The following CCBE1 variants were observed in gnomAD, a reference collection of about 807,000 sequenced individuals.
The protein encoded by CCBE1 is collagen and calcium-binding EGF domain-containing protein 1.
Under a neutral mutation model 50.0 loss-of-function variants are expected in CCBE1, and 37 were observed. That is an observed-to-expected ratio of 0.74 (90% confidence interval 0.57 to 0.97). The LOEUF is 0.97. Among genes scored for constraint, CCBE1 ranks in the 50% least tolerant of loss-of-function variants. The pLI is 0.00. For missense variants in CCBE1, 538 were observed against 523.8 expected, an observed-to-expected ratio of 1.03 and a Z score of -0.26; for synonymous variants, 234 against 203.7, an observed-to-expected ratio of 1.15 and a Z score of -1.27.
intron 2 of CCBE1, among the ~76,000 whole-genome samples, chr18:59,505,289 T>G (rs2143850063): frequency 6.6e-6 from 1 of 152,216 alleles, no homozygotes; most frequent in East Asian, 1.9e-4. Context: ...AAACTTAACA[T>G]GAAACCAAGA....
At chr18:59,592,809 G>A (rs1431788846) in intron 2 of CCBE1, among the ~76,000 whole-genome samples, 3 of 152,028 alleles carry the variant, frequency 2.0e-5, no homozygotes, top group South Asian at 2.1e-4. Flanking sequence ...AATATCACCT[G>A]CATAAGGACG....
intron 2 of CCBE1, chr18:59,568,231 C>G (rs1010177948): frequency 7.9e-5 from 12 of 151,584 alleles, no homozygotes; most frequent in Non-Finnish European, 1.5e-4. Context: ...TGTCTTCTCA[C>G]AAACTACTCA....
chr18:59,589,118 G>A (rs2053221566), intron 2 of CCBE1, among the ~76,000 whole-genome samples: 1 of 152,174 alleles, frequency 6.6e-6, no homozygotes, highest in African/African-American at 2.4e-5. Context: ...CAACCCTTGG[G>A]GATCCCTGTG....
chr18:59,555,596 A>G (rs993966767), intron 2 of CCBE1, among the ~76,000 whole-genome samples: 16 of 152,268 alleles, frequency 1.1e-4, no homozygotes, highest in African/African-American at 3.9e-4. Context: ...AGTGCTGCTC[A>G]GAACGTGCAG....
chr18:59,453,903 CG>C (rs1568147170), intron 6 of CCBE1, among the ~76,000 whole-genome samples: 1 of 152,102 alleles, frequency 6.6e-6, no homozygotes, highest in Non-Finnish European at 1.5e-5. Context: ...AGACCCATCC[CG>C]GGGCATTACT....
chr18:59,466,852 G>A lies in CCBE1; in HGVS notation c.440C>T (p.Ala147Val). 3 of 1,613,496 alleles carry A rather than the reference G, an allele frequency of 1.9e-6. No individual in the cohort carries two copies. The highest frequency in any genetic ancestry group is 2.5e-6 in the Non-Finnish European group (3 of 1,179,790). Residue 147 changes from alanine to valine, a missense_variant, in exon 5 of 11, where the codon GCC (alanine) becomes GTC (valine). By Grantham distance (64) the Ala-to-Val change is moderately conservative (BLOSUM62 0). Coordinates refer to ENST00000439986, the MANE Select transcript of CCBE1 (RefSeq NM_133459.4). ...ECASSNGTLC[A>V]HICINTLGSY... The stretch of plus-strand genomic sequence containing the variant: ...GCCCAAGGTATTGATGCAGATGTGG[G>A]CACACAGCGTCCCATTGCTGCTGGC...
chr18:59,669,942 G>C (rs1190355596), intron 2 of CCBE1, among the ~76,000 whole-genome samples: 1 of 152,210 alleles, frequency 6.6e-6, no homozygotes, highest in Non-Finnish European at 1.5e-5. Flanking sequence ...CATCCATGAT[G>C]ATTACTGATG....
intron 2 of CCBE1, among the ~76,000 whole-genome samples, chr18:59,578,832 G>A (rs1490053593): frequency 1.3e-5 from 2 of 152,308 alleles, no homozygotes; most frequent in Admixed American, 1.3e-4. Flanking sequence ...ATAGCATTAG[G>A]AGAAATACCT....
chr18:59,470,036 G>A (rs1047032876), intron 3 of CCBE1, among the ~76,000 whole-genome samples: 1 of 152,166 alleles, frequency 6.6e-6, no homozygotes, highest in Non-Finnish European at 1.5e-5. Context: ...GTGGGAGGAA[G>A]GGCTGGAAGT....
At chr18:59,445,486 C>T (rs561378752) in intron 7 of CCBE1, among the ~76,000 whole-genome samples, 81 of 152,286 alleles carry the variant, frequency 5.3e-4, no homozygotes, top group African/African-American at 1.9e-3. Context: ...TCATACCTAA[C>T]CCCTAGTACT....
intron 4 of CCBE1, among the ~76,000 whole-genome samples, chr18:59,467,952 C>G (rs1911831786): frequency 6.6e-6 from 1 of 152,210 alleles, no homozygotes; most frequent in Admixed American, 6.5e-5. Context: ...GGCTCACTGC[C>G]TTTCCCCAGG....
chr18:59,467,314 T>G (rs1911797220), intron 4 of CCBE1, among the ~76,000 whole-genome samples: 1 of 152,218 alleles, frequency 6.6e-6, no homozygotes, highest in Non-Finnish European at 1.5e-5. Context: ...CCTACTGTGC[T>G]GGGGATTTTT....
chr18:59,554,217 G>A (rs1192701031), intron 2 of CCBE1, among the ~76,000 whole-genome samples: 1 of 152,054 alleles, frequency 6.6e-6, no homozygotes, highest in African/African-American at 2.4e-5. Context: ...GAACTCAAGC[G>A]ATCCTCTCAC....
intron 2 of CCBE1, among the ~76,000 whole-genome samples, chr18:59,624,892 G>C (rs1361843414): frequency 6.6e-6 from 1 of 152,190 alleles, no homozygotes; most frequent in African/African-American, 2.4e-5. Flanking sequence ...GCAAACATTA[G>C]CATGGATAAA....
intron 2 of CCBE1, among the ~76,000 whole-genome samples, chr18:59,516,916 G>T (rs971858908): frequency 6.6e-6 from 1 of 152,144 alleles, no homozygotes; most frequent in Non-Finnish European, 1.5e-5. Flanking sequence ...GGAAAACACC[G>T]GGTAACCTTT....
At chr18:59,464,490 C>G (rs970883495) in intron 5 of CCBE1, among the ~76,000 whole-genome samples, 2 of 152,186 alleles carry the variant, frequency 1.3e-5, no homozygotes, top group Admixed American at 6.5e-5. Flanking sequence ...CTCCAGTCAA[C>G]CTGGATGATC....
rs1910131367 is a variant in CCBE1, at chr18:59,435,930, G to T, written c.1199C>A (p.Ala400Asp). The T allele has an allele frequency of 6.2e-7, 1 of 1,614,084 alleles. No individual in the cohort carries two copies. Residue 400 changes from alanine to aspartate, a missense_variant, in exon 11 of 11, where the codon GCC becomes GAC. Ala to Asp is a moderately radical substitution (Grantham distance 126). Transcript: ENST00000439986. ...GTGCTATGGGTAGAAGTCTCTGGGG[G>T]CTCTCAAGTCTCTTGTCTCAGTTCT... ...PRRTETRDLR[A>D]PRDFYP
chr18:59,508,777 G>C (rs1914003068), intron 2 of CCBE1, among the ~76,000 whole-genome samples: 1 of 138,546 alleles, frequency 7.2e-6, no homozygotes, highest in Non-Finnish European at 1.5e-5. Context: ...AGTGCAGTAG[G>C]GCCATCATGG....
intron 6 of CCBE1, 92 bp downstream of exon 6, chr18:59,454,759 G>T: frequency 1.8e-6 from 2 of 1,111,528 alleles, no homozygotes. Flanking sequence ...GCTCAATGTG[G>T]ATATTTTCTT....
Sources: gnomAD v4.1 joint callset for allele counts (sites outside exome capture counted in the v4.1 genomes callset) on GRCh38, gnomAD v4.1.1 for gene constraint, MANE v1.5 for transcripts, NCBI Gene and HGNC (gene_info 2026-07-23, HGNC 2026-07-21) for gene names.